The following LRRTM4 variants were observed in gnomAD, a reference collection of about 807,000 sequenced individuals.
LRRTM4 encodes the protein leucine-rich repeat transmembrane neuronal protein 4.
Under a neutral mutation model 47.6 loss-of-function variants are expected in LRRTM4, and 25 were observed. The observed-to-expected ratio is 0.53, with a 90% CI of 0.38 to 0.73. LRRTM4 has a LOEUF of 0.73. Ranked by LOEUF, LRRTM4 falls within the 30% of genes least tolerant of loss-of-function variation. The probability of loss-of-function intolerance (pLI) is 0.00; values close to 1 mark genes in which losing one functional copy is unlikely to be tolerated. For missense variants in LRRTM4, 638 were observed against 713.4 expected, an observed-to-expected ratio of 0.89 and a Z score of 1.20; for synonymous variants, 311 against 269.5, an observed-to-expected ratio of 1.15 and a Z score of -1.51.
intron 3 of LRRTM4, among the ~76,000 whole-genome samples, chr2:76,838,548 A>T (rs898040978): frequency 1.3e-5 from 2 of 152,092 alleles, no homozygotes; most frequent in Non-Finnish European, 2.9e-5. Flanking sequence ...TACATTTGGA[A>T]TTCATTTTCT....
intron 3 of LRRTM4, among the ~76,000 whole-genome samples, chr2:77,201,522 CAG>C (rs1377521853): frequency 6.6e-6 from 1 of 152,050 alleles, no homozygotes; most frequent in Non-Finnish European, 1.5e-5. Flanking sequence ...GAAGCTGTGA[CAG>C]AGAGATGTCT....
At chr2:77,051,262 A>G (rs1412503704) in intron 3 of LRRTM4, among the ~76,000 whole-genome samples, 1 of 152,134 alleles carries the variant, frequency 6.6e-6, no homozygotes, top group East Asian at 1.9e-4. Context: ...TGCAAGTTTC[A>G]GAAACCCTGC....
At chr2:76,929,068 TACA>T (rs989063327) in intron 3 of LRRTM4, among the ~76,000 whole-genome samples, 25 of 152,274 alleles carry the variant, frequency 1.6e-4, no homozygotes, top group African/African-American at 5.5e-4. Flanking sequence ...GTTATCTTAC[TACA>T]ACATTACTAT....
intron 3 of LRRTM4, among the ~76,000 whole-genome samples, chr2:77,118,035 A>C (rs1347315664): frequency 6.6e-6 from 1 of 151,974 alleles, no homozygotes; most frequent in East Asian, 1.9e-4. Context: ...CAAGTACACT[A>C]AATTTAGAAA....
At chr2:77,487,282 C>T (rs1227061356) in intron 3 of LRRTM4, among the ~76,000 whole-genome samples, 1 of 152,218 alleles carries the variant, frequency 6.6e-6, no homozygotes, top group Admixed American at 6.5e-5. Flanking sequence ...CTTGGGGACC[C>T]AGGAAGCTCC....
intron 3 of LRRTM4, among the ~76,000 whole-genome samples, chr2:76,847,672 T>C (rs1461097817): frequency 6.6e-6 from 1 of 152,068 alleles, no homozygotes; most frequent in Non-Finnish European, 1.5e-5. Flanking sequence ...TTTTCATTTA[T>C]AATGATATTC....
chr2:76,992,662 A>T (rs1677050350), intron 3 of LRRTM4, among the ~76,000 whole-genome samples: 1 of 151,770 alleles, frequency 6.6e-6, no homozygotes, highest in Non-Finnish European at 1.5e-5. Flanking sequence ...ATGTTCATGG[A>T]TTGGAAGAAT....
intron 3 of LRRTM4, among the ~76,000 whole-genome samples, chr2:77,284,833 A>C (rs556094376): frequency 6.6e-6 from 1 of 152,222 alleles, no homozygotes; most frequent in South Asian, 2.1e-4. Context: ...TCTCAACAAC[A>C]GTCCTTGAAG....
chr2:76,789,471 G>C (rs186655381), intron 3 of LRRTM4, among the ~76,000 whole-genome samples: 2 of 152,224 alleles, frequency 1.3e-5, no homozygotes, highest in East Asian at 3.9e-4. Flanking sequence ...TCTTTGGAGG[G>C]CTTCTGGCTT....
chr2:77,429,253 A>C (rs1213994030), intron 3 of LRRTM4, among the ~76,000 whole-genome samples: 2 of 152,208 alleles, frequency 1.3e-5, no homozygotes, highest in Non-Finnish European at 2.9e-5. Flanking sequence ...ATTATAAGAT[A>C]TAATGATCTT....
chr2:77,206,668 G>C (rs1010885839), intron 3 of LRRTM4, among the ~76,000 whole-genome samples: 2 of 151,894 alleles, frequency 1.3e-5, no homozygotes, highest in Non-Finnish European at 2.9e-5. Context: ...ATTTTTAGTA[G>C]AGATGGGGTT....
At chr2:76,839,541 T>G (rs1483644878) in intron 3 of LRRTM4, among the ~76,000 whole-genome samples, 1 of 152,096 alleles carries the variant, frequency 6.6e-6, no homozygotes, top group Non-Finnish European at 1.5e-5. Flanking sequence ...CTCAGTTGCA[T>G]ATCAAGCCAA....
intron 3 of LRRTM4, among the ~76,000 whole-genome samples, chr2:76,907,293 A>AC (rs1673878552): frequency 0.013 from 1 of 76 alleles, no homozygotes; most frequent in Admixed American, 0.12. Context: ...CTTTGAAACC[A>AC]CGAGAACAAA....
intron 3 of LRRTM4, among the ~76,000 whole-genome samples, chr2:76,895,530 T>TC (rs1302099681): frequency 1.3e-5 from 2 of 152,030 alleles, no homozygotes; most frequent in Admixed American, 1.3e-4. Flanking sequence ...TGCTCATCTC[T>TC]CCCAGTTGTG....
intron 3 of LRRTM4, among the ~76,000 whole-genome samples, chr2:77,281,753 A>T (rs1162197101): frequency 6.6e-6 from 1 of 151,924 alleles, no homozygotes; most frequent in Non-Finnish European, 1.5e-5. Context: ...AGAAGCCCAG[A>T]TGTAGGTAAA....
At chr2:76,921,219 G>C (rs1261469987) in intron 3 of LRRTM4, among the ~76,000 whole-genome samples, 1 of 151,994 alleles carries the variant, frequency 6.6e-6, no homozygotes, top group Non-Finnish European at 1.5e-5. Context: ...ACAATTTTAA[G>C]GAGCACTGGT....
chr2:77,040,779 ATTTTAAG>A (rs573453477), intron 3 of LRRTM4, among the ~76,000 whole-genome samples: 43 of 151,460 alleles, frequency 2.8e-4, no homozygotes, highest in Admixed American at 2.6e-3. Flanking sequence ...CATTTTTTCC[ATTTTAAG>A]TTTTATTTTG....
chr2:76,873,409 T>C lies in LRRTM4; in HGVS notation c.1552-124493A>G, dbSNP rs138429059. On this transcript the variant is annotated intron_variant, in intron 3 of 3. Coordinates refer to ENST00000409884, the MANE Select transcript of LRRTM4 (RefSeq NM_001134745.3). ...TATAAATATATAGTCTGTATATGTA[T>C]ATAATGTGTGTATATGTATACATTA... 5.4e-4 allele frequency among the ~76,000 whole-genome samples: 81 copies of C among 150,728 alleles called. 1 individual carries two copies. The East Asian group carries it at 0.015, about 28-fold the overall frequency.
intron 3 of LRRTM4, among the ~76,000 whole-genome samples, chr2:77,264,426 T>G (rs954402869): frequency 6.6e-6 from 1 of 152,082 alleles, no homozygotes; most frequent in Non-Finnish European, 1.5e-5. Flanking sequence ...CCCATCCTTA[T>G]AAACTCATTT....
Sources: allele counts gnomAD v4.1 joint callset (sites outside exome capture counted in the v4.1 genomes callset), GRCh38; gene constraint gnomAD v4.1.1; transcripts MANE v1.5; gene names NCBI Gene and HGNC (gene_info 2026-07-23, HGNC 2026-07-21).